Variants in SUGCT observed in about 807,000 individuals in gnomAD.
SUGCT encodes succinyl-CoA:glutarate-CoA transferase.
A neutral mutation model predicts 55.0 loss-of-function variants in SUGCT; 41 were observed. The ratio of observed to expected loss-of-function variants is 0.74; its 90% CI spans 0.58 to 0.97. SUGCT has a LOEUF of 0.97. Ranked by LOEUF, SUGCT falls within the 50% of genes least tolerant of loss-of-function variation. SUGCT has a pLI of 0.00. For synonymous variants in SUGCT, 187 were observed against 200.4 expected (o/e 0.93, Z 0.56); for missense variants, 568 against 547.8 (o/e 1.04, Z -0.37).
chr7:40,241,484 C>T (rs1789387490), intron 7 of SUGCT, among the ~76,000 whole-genome samples: 1 of 149,032 alleles, frequency 6.7e-6, no homozygotes, highest in Non-Finnish European at 1.5e-5. Context: ...AAGGCTGAAG[C>T]AAGAGAATTG....
Position 40,457,316 on chromosome 7 carries a change from T to A in SUGCT, c.889-1785T>A, listed in dbSNP as rs114964183. On this transcript the variant is annotated intron_variant, in intron 10 of 13. Transcript: ENST00000335693. Reference sequence around the variant, plus strand: ...AATTAGCCGGGCATGATGGTGCGCATGCCTGTAATCGCAGCTACTCAGGAG... The same window carrying A: ...AATTAGCCGGGCATGATGGTGCGCAAGCCTGTAATCGCAGCTACTCAGGAG... Among the ~76,000 whole-genome samples the A allele has an allele frequency of 7.4e-3, 1,127 of 152,178 alleles. 10 individuals carry two copies. The highest frequency in any genetic ancestry group is 0.024 in the African/African-American group (1,008 of 41,522).
intron 9 of SUGCT, among the ~76,000 whole-genome samples, chr7:40,439,316 C>T (rs1013523936): frequency 4.6e-5 from 7 of 151,628 alleles, no homozygotes; most frequent in African/African-American, 1.7e-4. Flanking sequence ...TCCTACACCT[C>T]ATCAGGACTT....
the SUGCT span, among the ~76,000 whole-genome samples, chr7:40,910,633 G>A: frequency 2.0e-5 from 3 of 152,090 alleles, no homozygotes; most frequent in Admixed American, 2.0e-4. Flanking sequence ...TGTTATTTTG[G>A]TGACTTTGGA....
At chr7:40,695,207 ATTTATTTATTTT>A (rs1445959144) in intron 12 of SUGCT, among the ~76,000 whole-genome samples, 2 of 147,768 alleles carry the variant, frequency 1.4e-5, no homozygotes, top group Non-Finnish European at 3.0e-5. Context: ...TTATTTATTT[ATTTATTTATTTT>A]GAGACAGGGT....
At chr7:40,362,042 G>C (rs560674823) in intron 9 of SUGCT, among the ~76,000 whole-genome samples, 1 of 152,004 alleles carries the variant, frequency 6.6e-6, no homozygotes, top group East Asian at 1.9e-4. Flanking sequence ...TGTAATACAC[G>C]TAGGCTGCCA....
chr7:41,004,385 G>A, the SUGCT span, among the ~76,000 whole-genome samples: 3 of 152,216 alleles, frequency 2.0e-5, no homozygotes, highest in Non-Finnish European at 4.4e-5. Flanking sequence ...GTGAAGGCAG[G>A]CGTATTGTTG....
chr7:40,569,579 G>A (rs73689821), intron 12 of SUGCT, among the ~76,000 whole-genome samples: 3,288 of 152,174 alleles, frequency 0.022, 117 homozygotes, highest in African/African-American at 0.072. Context: ...TGGCACAGCT[G>A]GGGCAAAGAG....
chr7:40,395,489 C>CA (rs36068766), intron 9 of SUGCT, among the ~76,000 whole-genome samples: 1,793 of 45,446 alleles, frequency 0.039, 38 homozygotes, highest in Non-Finnish European at 0.053. Context: ...AACTCTGTCT[C>CA]AAAAAAAAAA....
intron 9 of SUGCT, among the ~76,000 whole-genome samples, chr7:40,340,745 G>A (rs1309641612): frequency 6.6e-6 from 1 of 152,170 alleles, no homozygotes; most frequent in Admixed American, 6.5e-5. Context: ...CTGCAATTCA[G>A]AAATAAAAGC....
the SUGCT span, among the ~76,000 whole-genome samples, chr7:40,922,188 C>T: frequency 1.3e-5 from 2 of 152,154 alleles, no homozygotes; most frequent in African/African-American, 4.8e-5. Context: ...AGCATTCTTC[C>T]AAATCGGACT....
intron 11 of SUGCT, among the ~76,000 whole-genome samples, chr7:40,465,800 C>T (rs546191752): frequency 8.5e-5 from 13 of 152,098 alleles, no homozygotes; most frequent in Non-Finnish European, 1.5e-4. Flanking sequence ...AAACTGACAT[C>T]TTGGCACTAT....
the SUGCT span, among the ~76,000 whole-genome samples, chr7:40,999,370 G>A: frequency 1.6e-4 from 25 of 152,136 alleles, no homozygotes; most frequent in East Asian, 4.3e-3. Context: ...CTGGTACATC[G>A]ATGGACAAAT....
intron 7 of SUGCT, 50 bp downstream of exon 7, chr7:40,237,776 A>G (rs767065576): frequency 1.2e-4 from 182 of 1,519,532 alleles, no homozygotes; most frequent in African/African-American, 2.6e-4. Context: ...TACATATTCC[A>G]AAAGGATTTT....
chr7:40,837,316 A>G (rs1793038936), intron 13 of SUGCT, among the ~76,000 whole-genome samples: 1 of 152,172 alleles, frequency 6.6e-6, no homozygotes, highest in South Asian at 2.1e-4. Context: ...AAATATATAA[A>G]TTCTAGGTAC....
At chr7:40,282,477 G>GA (rs1470260193) in intron 8 of SUGCT, among the ~76,000 whole-genome samples, 3 of 136,208 alleles carry the variant, frequency 2.2e-5, no homozygotes, top group African/African-American at 8.0e-5. Flanking sequence ...CAAAAATACT[G>GA]AAAAAACAAA....
Position 40,414,941 on chromosome 7 carries a change from A to G in SUGCT, c.817-34346A>G, listed in dbSNP as rs1786887416. ...GCGCCCATAATCCAAGCTACTCGGGAGGCTGAGGTAGGAGAATTGCTAGAA... is the reference window on the plus strand; with the variant it reads ...GCGCCCATAATCCAAGCTACTCGGGGGGCTGAGGTAGGAGAATTGCTAGAA... On this transcript the variant is annotated intron_variant, in intron 9 of 13. Transcript: ENST00000335693. Among the ~76,000 whole-genome samples, 4 of 150,566 alleles carry G rather than the reference A, an allele frequency of 2.7e-5. No individual in the cohort carries two copies. In the South Asian group the frequency reaches 8.4e-4, roughly 32 times the overall value.
intron 1 of SUGCT, among the ~76,000 whole-genome samples, chr7:40,162,087 G>A (rs1052154411): frequency 1.3e-5 from 2 of 151,936 alleles, no homozygotes; most frequent in African/African-American, 2.4e-5. Flanking sequence ...TAGTAGAGAC[G>A]GGGTTTCACC....
At chr7:40,152,703 GT>G (rs754938220) in intron 1 of SUGCT, 297 of 150,372 alleles carry the variant, frequency 2.0e-3, no homozygotes, top group Middle Eastern at 3.6e-3. Flanking sequence ...AAATTAAGGT[GT>G]TTTTTTTTTT....
chr7:40,275,061 A>G (rs1163726392), intron 8 of SUGCT, among the ~76,000 whole-genome samples: 3 of 152,144 alleles, frequency 2.0e-5, no homozygotes, highest in African/African-American at 4.8e-5. Context: ...TTGGCCTCCC[A>G]AAGTGCTGGG....
Sources: gnomAD v4.1 joint callset for allele counts (sites outside exome capture counted in the v4.1 genomes callset) on GRCh38, gnomAD v4.1.1 for gene constraint, MANE v1.5 for transcripts, NCBI Gene and HGNC (gene_info 2026-07-23, HGNC 2026-07-21) for gene names.